Variants in SPATS2L observed in about 807,000 individuals in gnomAD.
The protein encoded by SPATS2L is SPATS2-like protein.
Under a neutral mutation model 59.6 loss-of-function variants are expected in SPATS2L, and 30 were observed. The observed-to-expected ratio is 0.50, with a 90% CI of 0.38 to 0.68. SPATS2L has a LOEUF of 0.68. SPATS2L is among the 30% of genes least tolerant of loss of function. SPATS2L has a pLI of 0.00. For synonymous variants in SPATS2L, 252 were observed against 263.5 expected, an observed-to-expected ratio of 0.96 and a Z score of 0.42; for missense variants, 615 against 700.0, an observed-to-expected ratio of 0.88 and a Z score of 1.37.
At chr2:200,333,951 C>A (rs1209398490) in intron 2 of SPATS2L, among the ~76,000 whole-genome samples, 1 of 151,870 alleles carries the variant, frequency 6.6e-6, no homozygotes, top group Non-Finnish European at 1.5e-5. Context: ...TGAATAGTGC[C>A]GCAATAAACA....
intron 8 of SPATS2L, among the ~76,000 whole-genome samples, chr2:200,449,563 G>A (rs766046143): frequency 2.0e-5 from 3 of 152,104 alleles, no homozygotes; most frequent in African/African-American, 7.2e-5. Flanking sequence ...CAACCAGCCC[G>A]GGAATGTACT....
At chr2:200,374,996 G>T (rs551828504) in intron 2 of SPATS2L, among the ~76,000 whole-genome samples, 2 of 152,204 alleles carry the variant, frequency 1.3e-5, no homozygotes, top group African/African-American at 2.4e-5. Context: ...TACACCATTG[G>T]AAGCATCTGG....
intron 2 of SPATS2L, among the ~76,000 whole-genome samples, chr2:200,333,285 C>CA (rs554636555): frequency 1.3e-4 from 18 of 140,736 alleles, no homozygotes; most frequent in East Asian, 8.2e-4. Context: ...GACCCTGTCT[C>CA]AAAAAAAAAG....
At chr2:200,450,788 C>T (rs2085382806) in intron 8 of SPATS2L, among the ~76,000 whole-genome samples, 1 of 152,120 alleles carries the variant, frequency 6.6e-6, no homozygotes, top group Non-Finnish European at 1.5e-5. Flanking sequence ...TAAAAAAGCC[C>T]ATGCACTAGT....
At chr2:200,435,378 A>G (rs1459854199) in intron 6 of SPATS2L, among the ~76,000 whole-genome samples, 1 of 152,214 alleles carries the variant, frequency 6.6e-6, no homozygotes, top group East Asian at 1.9e-4. Flanking sequence ...ATTAAAATGT[A>G]TACAATTTTT....
intron 2 of SPATS2L, among the ~76,000 whole-genome samples, chr2:200,353,588 A>G (rs2080811580): frequency 6.6e-6 from 1 of 152,110 alleles, no homozygotes; most frequent in Non-Finnish European, 1.5e-5. Context: ...ATGATACCCA[A>G]AATTTTCAAA....
intron 4 of SPATS2L, among the ~76,000 whole-genome samples, chr2:200,414,444 A>G (rs2082988472): frequency 6.6e-6 from 1 of 152,262 alleles, no homozygotes; most frequent in South Asian, 2.1e-4. Flanking sequence ...CCTGGACAAC[A>G]TGGCGAGACA....
intron 9 of SPATS2L, among the ~76,000 whole-genome samples, chr2:200,462,940 CAAT>C (rs59711465): frequency 0.017 from 2,520 of 150,670 alleles, 65 homozygotes; most frequent in African/African-American, 0.057. Flanking sequence ...ATAATAATAA[CAAT>C]AATAATAATA....
At chr2:200,311,026 T>G (rs1405949762) in intron 1 of SPATS2L, among the ~76,000 whole-genome samples, 1 of 152,250 alleles carries the variant, frequency 6.6e-6, no homozygotes, top group African/African-American at 2.4e-5. Context: ...GATGTGCCTT[T>G]TATTCTGTCT....
At chr2:200,429,234 G>T (rs2083760142) in intron 6 of SPATS2L, among the ~76,000 whole-genome samples, 2 of 152,324 alleles carry the variant, frequency 1.3e-5, no homozygotes, top group South Asian at 4.1e-4. Flanking sequence ...ATTTGAATAG[G>T]AGAAATGTAA....
At position 200,472,822 on chromosome 2, in the gene SPATS2L, A is replaced by G. The variant is rs746212779; in HGVS notation, c.1061-10A>G. ...TGCAGCTCGTAACACTGAGCACTTT[A>G]TTATTGCAGTTACACATCCAAAGAA... On this transcript the variant is annotated splice_polypyrimidine_tract_variant and intron_variant, in intron 11 of 12. Transcript: ENST00000409140. The G allele has an allele frequency of 3.1e-6, 5 of 1,613,266 alleles. No homozygotes were observed. In the East Asian group the frequency reaches 1.1e-4, roughly 36 times the overall value.
intron 9 of SPATS2L, among the ~76,000 whole-genome samples, chr2:200,461,759 T>C (rs2086255459): frequency 6.6e-6 from 1 of 152,238 alleles, no homozygotes; most frequent in East Asian, 1.9e-4. Context: ...GATTCTTCAT[T>C]CTTTTTTATT....
intron 6 of SPATS2L, among the ~76,000 whole-genome samples, chr2:200,426,321 A>C (rs1041893037): frequency 6.6e-6 from 1 of 151,810 alleles, no homozygotes; most frequent in Non-Finnish European, 1.5e-5. Flanking sequence ...CAATCTCCTG[A>C]CCTTGTGATC....
chr2:200,309,347 C>T (rs2079124754), intron 1 of SPATS2L, among the ~76,000 whole-genome samples: 1 of 152,198 alleles, frequency 6.6e-6, no homozygotes, highest in African/African-American at 2.4e-5. Context: ...GTTGTGGTTG[C>T]TCTTCGTAAG....
intron 2 of SPATS2L, among the ~76,000 whole-genome samples, chr2:200,334,702 A>G (rs902968422): frequency 1.8e-4 from 27 of 151,956 alleles, no homozygotes; most frequent in Non-Finnish European, 7.4e-5. Context: ...AGGTGTAAGG[A>G]AGGGATCCAG....
At chr2:200,365,506 T>C (rs1417400120) in intron 2 of SPATS2L, among the ~76,000 whole-genome samples, 3 of 152,240 alleles carry the variant, frequency 2.0e-5, no homozygotes, top group African/African-American at 7.2e-5. Context: ...GGACTCTGTC[T>C]GTGAACTCAG....
At position 200,424,997 on chromosome 2, in the gene SPATS2L, C is replaced by T. The variant is rs80219809; in HGVS notation, c.445+5501C>T. On this transcript the variant is annotated intron_variant, in intron 6 of 12. Transcript: ENST00000409140. ...TACCACAAAGCAGGAACAGCCCTGTCGTTTTTACCTTAGCAATGCAGATTC... is the reference window on the plus strand; with the variant it reads ...TACCACAAAGCAGGAACAGCCCTGTTGTTTTTACCTTAGCAATGCAGATTC... 4.4e-4 allele frequency among the ~76,000 whole-genome samples: 67 copies of T among 152,280 alleles called. No homozygotes were observed. The East Asian group carries it at 7.5e-3, about 17-fold the overall frequency.
chr2:200,309,056 C>G (rs1251264809), intron 1 of SPATS2L: 1 of 717,814 alleles, frequency 1.4e-6, no homozygotes, highest in Non-Finnish European at 2.6e-6. Flanking sequence ...TGATTGCATG[C>G]CAGTCTGAAG....
At chr2:200,443,541 C>T (rs990432481) in intron 8 of SPATS2L, among the ~76,000 whole-genome samples, 1 of 152,134 alleles carries the variant, frequency 6.6e-6, no homozygotes, top group Non-Finnish European at 1.5e-5. Flanking sequence ...GGTGCACAAG[C>T]GACATAGATG....
Sources: gnomAD v4.1 joint callset for allele counts (sites outside exome capture counted in the v4.1 genomes callset) on GRCh38, gnomAD v4.1.1 for gene constraint, MANE v1.5 for transcripts, NCBI Gene and HGNC (gene_info 2026-07-23, HGNC 2026-07-21) for gene names.